CASP1: variants seen among roughly 807,000 people sequenced by gnomAD.
The protein encoded by CASP1 is caspase 1, also known as caspase-1.
CASP1 carries 31 observed loss-of-function variants against 41.2 expected under a neutral mutation model. The observed-to-expected ratio is 0.75, with a 90% CI of 0.57 to 1.02. The LOEUF (loss-of-function observed/expected upper bound fraction) is 1.02. Among genes scored for constraint, CASP1 ranks in the 50% least tolerant of loss-of-function variants. The pLI, the probability that CASP1 is intolerant of heterozygous loss-of-function variation, is 0.00. For missense variants in CASP1, 490 were observed against 495.7 expected, an observed-to-expected ratio of 0.99 and a Z score of 0.11; for synonymous variants, 163 against 166.5, an observed-to-expected ratio of 0.98 and a Z score of 0.16.
In CASP1 at chr11:105,026,159, C is replaced by T. The variant is rs1863263328; in HGVS notation, c.*99G>A. 1.4e-6 allele frequency: 1 copy of T among 733,014 alleles called. No homozygotes were observed. The highest frequency in any genetic ancestry group is 2.8e-4 in the Middle Eastern group (1 of 3,566). The allele number at this position is 733,014 out of a possible 1,614,324, so 45.4% of individuals were successfully genotyped here. On this transcript the variant is annotated 3_prime_UTR_variant, in exon 9 of 9. Coordinates refer to ENST00000533400, the MANE Select transcript of CASP1 (RefSeq NM_001257118.3). ...ATTCTCAGCCTGTAAACCTAGAGTT[C>T]TTGACTCAAATGGACTTTCAGTACC... is the stretch of plus-strand genomic sequence containing the variant.
chr11:105,033,882 A>C, intron 2 of CASP1: 1 of 648,528 alleles, frequency 1.5e-6, no homozygotes, highest in Non-Finnish European at 2.9e-6. Flanking sequence ...AGCAAAAATA[A>C]ATCCACAGGT....
chr11:105,034,653 A>G (rs1326824988), intron 1 of CASP1, 179 bp from the exon 2 acceptor site: 3 of 1,075,050 alleles, frequency 2.8e-6, no homozygotes, highest in East Asian at 2.4e-5. Flanking sequence ...GTCTCCATAC[A>G]TGTGCATGGA....
upstream of CASP1, among the ~76,000 whole-genome samples, chr11:105,035,616 C>CTTTTT (rs770202897): frequency 0.045 from 2,358 of 51,972 alleles, 155 homozygotes; most frequent in African/African-American, 0.11. Context: ...TTTTTTCTTT[C>CTTTTT]TGTTTTTTTT....
Position 105,034,403 on chromosome 11 carries a change from C to T in CASP1, c.79G>A (p.Asp27Asn). 6.2e-7 allele frequency: 1 copy of T among 1,614,164 alleles called. No individual in the cohort carries two copies. The highest frequency in any genetic ancestry group is 8.5e-7 in the Non-Finnish European group (1 of 1,180,008). Residue 27 changes from aspartate to asparagine, a missense_variant, in exon 2 of 9, where the codon GAT becomes AAT. Coordinates refer to ENST00000533400, the MANE Select transcript of CASP1 (RefSeq NM_001257118.3). ...AGCACCCTTGTCTGTAATAATTCAT[C>T]CAGTAAGCCATTTATTGTACCTTCA... ...MGEGTINGLL[D>N]ELLQTRVLNK...
chr11:105,025,783 G>A lies in CASP1; in HGVS notation c.*475C>T, dbSNP rs192122469. The A allele has an allele frequency of 4.2e-5, 12 of 285,128 alleles. No individual in the cohort carries two copies. Among genetic ancestry groups the A allele is most frequent in the African/African-American group, 2.7e-4 (12 of 44,222 alleles). 17.7% of individuals were successfully genotyped at this position (285,128 alleles called of 1,614,324 possible). A position where few individuals can be genotyped will look rare whatever the true frequency, so the allele number is the denominator to read the frequency against. ...AAACATCCAAAAGTGAGGGTTTGTA[G>A]TCTTACGGCCACTTCTAGGCCAATA... On this transcript the variant is annotated 3_prime_UTR_variant, in exon 9 of 9. Coordinates refer to ENST00000533400, the MANE Select transcript of CASP1 (RefSeq NM_001257118.3).
chr11:105,035,303 C>T, upstream of CASP1: 1 of 734,996 alleles, frequency 1.4e-6, no homozygotes. Flanking sequence ...ATTTTCTTCA[C>T]CAGCCCTTGG....
At chr11:105,029,074 T>G in intron 7 of CASP1, 50 bp downstream of exon 7, 1 of 1,570,536 alleles carries the variant, frequency 6.4e-7, no homozygotes, top group South Asian at 1.2e-5. Context: ...TTATTGTCAC[T>G]TTTTCTATTG....
intron 8 of CASP1, 130 bp from the exon 9 acceptor site, chr11:105,026,486 C>A: frequency 3.1e-6 from 2 of 643,486 alleles, no homozygotes; most frequent in East Asian, 2.7e-5. Flanking sequence ...GTACTTCCAT[C>A]TGCAACAAGT....
rs554468068 is a variant in CASP1 at position 105,034,680 on chromosome 11, G to A, written c.8-206C>T. On this transcript the variant is annotated intron_variant, in intron 1 of 8. Transcript: ENST00000533400. ...GTGCATGGAGTGACCTGAAGACTGA[G>A]TTTACCATTTCCACATCAGTCCCTG... 2.8e-5 allele frequency: 23 copies of A among 821,870 alleles called. No homozygotes were observed. In the East Asian group the frequency reaches 5.5e-4, roughly 20 times the overall value. 50.9% of individuals were successfully genotyped at this position (821,870 alleles called of 1,614,324 possible). A position where few individuals can be genotyped will look rare whatever the true frequency, so the allele number is the denominator to read the frequency against.
At chr11:105,030,183 C>T in intron 5 of CASP1, 147 bp downstream of exon 5, 1 of 696,280 alleles carries the variant, frequency 1.4e-6, no homozygotes, top group Admixed American at 2.8e-5. Flanking sequence ...TTACAAAGGA[C>T]CATGTAGTAT....
intron 6 of CASP1, 47 bp downstream of exon 6, chr11:105,029,618 A>G: frequency 7.2e-7 from 1 of 1,382,028 alleles, no homozygotes; most frequent in African/African-American, 1.4e-5. Flanking sequence ...CATACAGAGT[A>G]GGATAGTATT....
intron 2 of CASP1, chr11:105,033,761 C>T (rs1305614842): frequency 2.6e-6 from 1 of 380,784 alleles, no homozygotes; most frequent in Non-Finnish European, 5.1e-6. Context: ...ATATTTTATT[C>T]TTTTGGGAGG....
chr11:105,028,985 T>C (rs1591194905), intron 7 of CASP1, 139 bp downstream of exon 7: 3 of 728,620 alleles, frequency 4.1e-6, no homozygotes, highest in Admixed American at 2.9e-5. Flanking sequence ...AATTGCTCTC[T>C]TGGATAAAGG....
At chr11:105,030,232 C>A in intron 5 of CASP1, 98 bp downstream of exon 5, 2 of 1,031,262 alleles carry the variant, frequency 1.9e-6, no homozygotes, top group Non-Finnish European at 2.9e-6. Flanking sequence ...TTTAGATTAT[C>A]AAGAGATTAC....
In CASP1 at chr11:105,034,002, T is replaced by G. The variant is rs45481997; in HGVS notation, c.274+206A>C. 5.2e-3 allele frequency: 4,653 copies of G among 889,550 alleles called. 31 individuals are homozygous for G. The highest frequency in any genetic ancestry group is 0.012 in the Middle Eastern group (55 of 4,660). 55.1% of individuals were successfully genotyped at this position (889,550 alleles called of 1,614,324 possible). ...CACATACTCAGAACAGGAAATGAGCTTTAATCAGAAGAGTGCCACTGAGGA... is the reference window on the plus strand; with the variant it reads ...CACATACTCAGAACAGGAAATGAGCGTTAATCAGAAGAGTGCCACTGAGGA... On this transcript the variant is annotated intron_variant, in intron 2 of 8. Transcript: ENST00000533400.
At position 105,031,223 on chromosome 11, in the gene CASP1, T is replaced by G; in HGVS notation, c.395A>C (p.Asn132Thr). The G allele has an allele frequency of 6.2e-7, 1 of 1,612,938 alleles. No homozygotes were observed. The highest frequency in any genetic ancestry group is 8.5e-7 in the Non-Finnish European group (1 of 1,179,200). Residue 132 changes from asparagine (N) to threonine (T), a missense_variant, in exon 4 of 9, where the codon AAT becomes ACT. By Grantham distance (65) the Asn-to-Thr change is moderately conservative (BLOSUM62 0). Coordinates refer to ENST00000533400, the MANE Select transcript of CASP1 (RefSeq NM_001257118.3). ...TTCTTCTAGGGAGCAAAGCTTGACA[T>G]TCCCTTCTGAGCCTGAGGATGTGGG... ...AMPTSSGSEG[N>T]VKLCSLEEAQ...
chr11:105,034,961 G>A (rs565425374), intron 1 of CASP1, 146 bp downstream of exon 1: 2 of 1,070,966 alleles, frequency 1.9e-6, no homozygotes, highest in Admixed American at 2.0e-5. Context: ...GAATCTTCTA[G>A]TTCCTTCTCT....
At chr11:105,034,001 C>T (rs1385573209) in intron 2 of CASP1, 6 of 885,974 alleles carry the variant, frequency 6.8e-6, no homozygotes, top group Non-Finnish European at 1.1e-5. Flanking sequence ...AGGAAATGAG[C>T]TTTAATCAGA....
chr11:105,030,415 C>A lies in CASP1; in HGVS notation c.542G>T (p.Gly181Val). The change falls in exon 5 of 9, where the codon GGA (glycine) becomes GTA (valine). Residue 181 changes from glycine (G) to valine (V), a missense_variant. Physicochemically the swap from Gly to Val is moderately radical, Grantham distance 109 (BLOSUM62 -3). Transcript: ENST00000533400. ...EEFDSIPRRT[G>V]AEVDITGMTM... Reference sequence around the variant, plus strand: ...CATGCCTGTGATGTCAACCTCAGCTCCAGTTCTTCTAGGAATACTGTCAAA... The same window carrying A: ...CATGCCTGTGATGTCAACCTCAGCTACAGTTCTTCTAGGAATACTGTCAAA... 2 of 1,613,582 alleles carry A rather than the reference C, an allele frequency of 1.2e-6. No homozygotes were observed. The highest frequency in any genetic ancestry group is 1.7e-6 in the Non-Finnish European group (2 of 1,179,650).
Sources: allele counts gnomAD v4.1 joint callset (sites outside exome capture counted in the v4.1 genomes callset), GRCh38; gene constraint gnomAD v4.1.1; transcripts MANE v1.5; gene names NCBI Gene and HGNC (gene_info 2026-07-23, HGNC 2026-07-21).